The following EDIL3 variants were observed in gnomAD, a reference collection of about 807,000 sequenced individuals.
EDIL3 encodes the protein EGF like and discoidin domains 3.
Under a neutral mutation model 67.4 loss-of-function variants are expected in EDIL3, and 37 were observed. The observed-to-expected ratio is 0.55, with a 90% confidence interval of 0.42 to 0.72. The LOEUF is 0.72. EDIL3 is among the 30% of genes least tolerant of loss of function. EDIL3 has a pLI of 0.00. For missense variants in EDIL3, 527 were observed against 586.3 expected, an observed-to-expected ratio of 0.90 and a Z score of 1.04; for synonymous variants, 195 against 196.3, an observed-to-expected ratio of 0.99 and a Z score of 0.05.
At chr5:84,369,557 T>C (rs2112210489) in intron 1 of EDIL3, among the ~76,000 whole-genome samples, 1 of 151,914 alleles carries the variant, frequency 6.6e-6, no homozygotes, top group East Asian at 1.9e-4. Flanking sequence ...AAACAGAAAG[T>C]AGGATGGTGG....
At chr5:84,116,935 A>C (rs1747675514) in intron 5 of EDIL3, among the ~76,000 whole-genome samples, 1 of 151,932 alleles carries the variant, frequency 6.6e-6, no homozygotes, top group African/African-American at 2.4e-5. Flanking sequence ...TGAAATATGA[A>C]AGTTGACTTC....
chr5:84,099,699 G>A (rs1022746184), intron 6 of EDIL3, among the ~76,000 whole-genome samples: 8 of 151,996 alleles, frequency 5.3e-5, no homozygotes, highest in African/African-American at 1.9e-4. Context: ...ACAACAAAAA[G>A]CAATGACAAC....
intron 6 of EDIL3, among the ~76,000 whole-genome samples, chr5:84,093,959 C>T (rs1747214283): frequency 6.6e-6 from 1 of 152,062 alleles, no homozygotes; most frequent in Non-Finnish European, 1.5e-5. Context: ...TGCCCAGTCC[C>T]AGATGCAGCT....
At chr5:84,361,212 G>T (rs1580101407) in intron 1 of EDIL3, among the ~76,000 whole-genome samples, 3 of 151,184 alleles carry the variant, frequency 2.0e-5, no homozygotes, top group African/African-American at 7.3e-5. Context: ...AACAAAAATG[G>T]AATCAGTCTA....
chr5:84,038,766 G>T (rs2112211100), intron 9 of EDIL3, among the ~76,000 whole-genome samples: 1 of 152,316 alleles, frequency 6.6e-6, no homozygotes, highest in East Asian at 1.9e-4. Flanking sequence ...CAAAGCTAGG[G>T]ACACAAAGTG....
At chr5:84,048,434 C>T (rs946114585) in intron 9 of EDIL3, among the ~76,000 whole-genome samples, 12 of 152,034 alleles carry the variant, frequency 7.9e-5, no homozygotes, top group Middle Eastern at 3.4e-3. Flanking sequence ...TACATTTTCA[C>T]AAAATTAGTA....
chr5:84,248,618 T>C (rs535610725), intron 2 of EDIL3, among the ~76,000 whole-genome samples: 1 of 152,288 alleles, frequency 6.6e-6, no homozygotes, highest in East Asian at 1.9e-4. Context: ...ATAATGTCTA[T>C]CAAATTTGTC....
At chr5:84,026,844 G>C (rs1292148197) in intron 9 of EDIL3, among the ~76,000 whole-genome samples, 1 of 152,114 alleles carries the variant, frequency 6.6e-6, no homozygotes, top group Non-Finnish European at 1.5e-5. Flanking sequence ...CCAGCACTTT[G>C]GGAAACCAAG....
intron 1 of EDIL3, among the ~76,000 whole-genome samples, chr5:84,334,718 T>C (rs1209123230): frequency 6.6e-6 from 1 of 152,184 alleles, no homozygotes; most frequent in Non-Finnish European, 1.5e-5. Context: ...CAAAGTCACA[T>C]TTTTTTCTTC....
intron 1 of EDIL3, among the ~76,000 whole-genome samples, chr5:84,369,279 C>A (rs1034792870): frequency 5.9e-5 from 9 of 151,364 alleles, no homozygotes; most frequent in Non-Finnish European, 7.4e-5. Context: ...TATACACACA[C>A]AACATATGCA....
intron 4 of EDIL3, among the ~76,000 whole-genome samples, chr5:84,146,767 T>C (rs1748295900): frequency 6.6e-6 from 1 of 152,164 alleles, no homozygotes; most frequent in African/African-American, 2.4e-5. Flanking sequence ...AGGAGTTACA[T>C]TTGTTACACA....
chr5:84,109,674 T>C lies in EDIL3; in HGVS notation c.470-2844A>G, dbSNP rs576390690. On this transcript the variant is annotated intron_variant, in intron 5 of 10. Coordinates refer to ENST00000296591, the MANE Select transcript of EDIL3 (RefSeq NM_005711.5). ...AGTATCACCAGTCCTCGATTCTATA[T>C]TGTTGCTTTAAACAAACAAAAACAA... 5.3e-5 allele frequency among the ~76,000 whole-genome samples: 8 copies of C among 152,332 alleles called. No homozygotes were observed. In the East Asian group the frequency reaches 1.3e-3, roughly 26 times the overall value.
At position 83,943,443 on chromosome 5, in the gene EDIL3, C is replaced by T; in HGVS notation, c.1419G>A (p.Leu473=). 1.2e-6 allele frequency: 2 copies of T among 1,612,658 alleles called. No individual in the cohort carries two copies. The highest frequency in any genetic ancestry group is 1.1e-5 in the South Asian group (1 of 91,042). The stretch of plus-strand genomic sequence containing the variant: ...CTCATTCCTCCTCTGTGCAGCCCAG[C>T]AGCTCTGACCGCAATGTGATCCTCC... ...WYGRITLRSE[L]LGCTEEE Residue 473 remains leucine (L), a synonymous_variant, in exon 11 of 11, where the codon CTG becomes CTA. Transcript: ENST00000296591.
chr5:84,178,633 C>A (rs373745151), intron 4 of EDIL3, among the ~76,000 whole-genome samples: 29 of 152,126 alleles, frequency 1.9e-4, no homozygotes, highest in Admixed American at 1.1e-3. Flanking sequence ...CCAATTTGTA[C>A]GTCTAAAAAT....
intron 2 of EDIL3, among the ~76,000 whole-genome samples, chr5:84,242,846 G>A (rs1353769602): frequency 2.2e-5 from 3 of 134,724 alleles, no homozygotes; most frequent in Non-Finnish European, 3.2e-5. Context: ...TTATTTCTTC[G>A]AGTTTGAAAG....
intron 4 of EDIL3, among the ~76,000 whole-genome samples, chr5:84,162,461 T>C (rs1270901550): frequency 6.6e-6 from 1 of 152,138 alleles, no homozygotes; most frequent in Non-Finnish European, 1.5e-5. Flanking sequence ...GATGAAATCC[T>C]TGATGGTCAG....
chr5:84,231,740 A>G (rs1012559855), intron 2 of EDIL3, among the ~76,000 whole-genome samples: 2 of 152,248 alleles, frequency 1.3e-5, no homozygotes, highest in Non-Finnish European at 2.9e-5. Context: ...TTGCCGCTTT[A>G]TCATGTCCAA....
chr5:84,025,564 T>C (rs372799511), intron 9 of EDIL3, among the ~76,000 whole-genome samples: 1 of 152,196 alleles, frequency 6.6e-6, no homozygotes, highest in African/African-American at 2.4e-5. Context: ...TGAATCATCC[T>C]GAAACTATTC....
intron 9 of EDIL3, among the ~76,000 whole-genome samples, chr5:84,024,385 C>T (rs1745775597): frequency 6.6e-6 from 1 of 152,100 alleles, no homozygotes. Context: ...TTTGCTCTTT[C>T]CTTCTGTCTA....
Sources: allele counts gnomAD v4.1 joint callset (sites outside exome capture counted in the v4.1 genomes callset), GRCh38; gene constraint gnomAD v4.1.1; transcripts MANE v1.5; gene names NCBI Gene and HGNC (gene_info 2026-07-23, HGNC 2026-07-21).